The following KCNH7 variants were observed in gnomAD, a reference collection of about 807,000 sequenced individuals.
KCNH7 encodes potassium voltage-gated channel subfamily H member 7, also known as voltage-gated inwardly rectifying potassium channel KCNH7.
In KCNH7, 49 loss-of-function variants were observed where a neutral mutation model predicts 120.8. The ratio of observed to expected loss-of-function variants is 0.41; its 90% CI spans 0.32 to 0.51. The LOEUF (loss-of-function observed/expected upper bound fraction) is 0.51, where lower values mean the gene tolerates loss of function less well. KCNH7 is among the 20% of genes least tolerant of loss of function. The pLI, the probability that KCNH7 is intolerant of heterozygous loss-of-function variation, is 0.38. For synonymous variants in KCNH7, 547 were observed against 516.1 expected (o/e 1.06, Z -0.81); for missense variants, 1,097 against 1,446.6 (o/e 0.76, Z 3.92).
intron 2 of KCNH7, among the ~76,000 whole-genome samples, chr2:162,818,070 A>G (rs1684978160): frequency 6.6e-6 from 1 of 151,562 alleles, no homozygotes; most frequent in South Asian, 2.1e-4. Flanking sequence ...TACAGTTTTT[A>G]TTTTCTTAAT....
intron 2 of KCNH7, among the ~76,000 whole-genome samples, chr2:162,728,608 G>T (rs985473922): frequency 6.6e-6 from 1 of 152,058 alleles, no homozygotes; most frequent in African/African-American, 2.4e-5. Context: ...GAGAAACCCT[G>T]TCTCTACTAA....
At chr2:162,631,368 A>C (rs574873294) in intron 2 of KCNH7, among the ~76,000 whole-genome samples, 1 of 152,136 alleles carries the variant, frequency 6.6e-6, no homozygotes, top group South Asian at 2.1e-4. Flanking sequence ...ATTAGAGCAG[A>C]TCTCCCTGTG....
chr2:162,445,077 T>G (rs1192338193), intron 7 of KCNH7, among the ~76,000 whole-genome samples: 1 of 152,166 alleles, frequency 6.6e-6, no homozygotes, highest in Non-Finnish European at 1.5e-5. Context: ...CAGAGTTTAT[T>G]TCTAACAAAT....
chr2:162,578,421 G>C (rs1435179457), intron 2 of KCNH7, among the ~76,000 whole-genome samples: 1 of 151,932 alleles, frequency 6.6e-6, no homozygotes, highest in East Asian at 1.9e-4. Flanking sequence ...ACTCCATAGA[G>C]AGAAACCGGT....
chr2:162,634,018 T>G (rs1184157675), intron 2 of KCNH7, among the ~76,000 whole-genome samples: 5 of 152,014 alleles, frequency 3.3e-5, no homozygotes, highest in Non-Finnish European at 7.4e-5. Flanking sequence ...AACATTTTCC[T>G]AGAATATGTA....
At chr2:162,647,598 G>T (rs1418197454) in intron 2 of KCNH7, among the ~76,000 whole-genome samples, 4 of 152,118 alleles carry the variant, frequency 2.6e-5, no homozygotes, top group African/African-American at 9.7e-5. Context: ...TAGTAAATAA[G>T]TCTCATGAGA....
At chr2:162,699,788 T>C (rs1022325023) in intron 2 of KCNH7, among the ~76,000 whole-genome samples, 1 of 152,080 alleles carries the variant, frequency 6.6e-6, no homozygotes, top group Non-Finnish European at 1.5e-5. Flanking sequence ...CATAATGTTC[T>C]AAAGAAAATG....
rs60201823 is a variant in KCNH7, at chr2:162,601,399, C to CTTTTTTTTTTTTTTTTTTTTT, written c.308-64340_308-64320dup. 1.1e-3 allele frequency among the ~76,000 whole-genome samples: 11 copies of CTTTTTTTTTTTTTTTTTTTTT among 9,602 alleles called. 3 individuals carry two copies. Among genetic ancestry groups the CTTTTTTTTTTTTTTTTTTTTT allele is most frequent in the Non-Finnish European group, 1.5e-3 (9 of 6,046 alleles). 6.3% of individuals were successfully genotyped at this position (9,602 alleles called of 152,430 possible). A position where few individuals can be genotyped will look rare whatever the true frequency, so the allele number is the denominator to read the frequency against. On this transcript the variant is annotated intron_variant, in intron 2 of 15. Coordinates refer to ENST00000332142, the MANE Select transcript of KCNH7 (RefSeq NM_033272.4). ...AAATTTTAAAAAAGTACTTCTTGTG[C>CTTTTTTTTTTTTTTTTTTTTT]TTTTTTTTTTTTTTTTTTTTTTTTT...
intron 2 of KCNH7, among the ~76,000 whole-genome samples, chr2:162,779,913 C>T (rs1357040128): frequency 1.3e-5 from 2 of 152,172 alleles, no homozygotes; most frequent in African/African-American, 2.4e-5. Flanking sequence ...CAATTGCCTC[C>T]ACTTCCTCAA....
Position 162,400,254 on chromosome 2 carries a change from G to T in KCNH7, c.2342C>A (p.Ala781Glu). ...TLVHCGDVLT[A>E]LYFLSRGSIE... ...GGAGCCTCTGGATAAGAAATAAAGT[G>T]CAGTGAGGACATCCCCACAGTGAAC... The change falls in exon 10 of 16, where the codon GCA becomes GAA. Residue 781 changes from alanine to glutamate, a missense_variant. Transcript: ENST00000332142. The T allele has an allele frequency of 6.2e-7, 1 of 1,612,240 alleles. No individual in the cohort carries two copies. The highest frequency in any genetic ancestry group is 8.5e-7 in the Non-Finnish European group (1 of 1,178,854).
chr2:162,476,310 T>C (rs566491375), intron 6 of KCNH7, among the ~76,000 whole-genome samples: 117 of 152,330 alleles, frequency 7.7e-4, no homozygotes, highest in African/African-American at 2.7e-3. Context: ...ATATTCATTA[T>C]ACCAGAGGCT....
intron 2 of KCNH7, among the ~76,000 whole-genome samples, chr2:162,821,507 A>G (rs939853601): frequency 1.3e-5 from 2 of 152,346 alleles, no homozygotes; most frequent in Middle Eastern, 6.8e-3. Context: ...ACTGGTTTGG[A>G]AAGCCTAAAA....
intron 3 of KCNH7, chr2:162,528,287 C>T (rs989369465): frequency 4.6e-5 from 7 of 152,038 alleles, no homozygotes; most frequent in Non-Finnish European, 1.0e-4. Flanking sequence ...AGATGTTCTC[C>T]AGTTTTCCAG....
intron 2 of KCNH7, among the ~76,000 whole-genome samples, chr2:162,743,242 C>T (rs543633314): frequency 1.3e-5 from 2 of 152,090 alleles, no homozygotes; most frequent in East Asian, 1.9e-4. Context: ...TTTTGCATAC[C>T]GTTTTTAGCA....
At chr2:162,376,844 T>C (rs886233002) in intron 14 of KCNH7, among the ~76,000 whole-genome samples, 3 of 152,156 alleles carry the variant, frequency 2.0e-5, no homozygotes, top group African/African-American at 7.2e-5. Context: ...TTTACCTAAA[T>C]AGATGTATCT....
intron 3 of KCNH7, among the ~76,000 whole-genome samples, chr2:162,525,363 G>A (rs931547951): frequency 6.6e-6 from 1 of 151,882 alleles, no homozygotes; most frequent in Admixed American, 6.6e-5. Context: ...GACAATATCT[G>A]AGGGACACTG....
intron 2 of KCNH7, among the ~76,000 whole-genome samples, chr2:162,799,012 A>T (rs1401874688): frequency 6.6e-6 from 1 of 152,062 alleles, no homozygotes. Context: ...CAAACTCTAA[A>T]TGGCCATTTA....
intron 2 of KCNH7, among the ~76,000 whole-genome samples, chr2:162,546,603 T>G (rs1574086537): frequency 6.6e-6 from 1 of 152,266 alleles, no homozygotes; most frequent in East Asian, 1.9e-4. Flanking sequence ...AGGCTGTGAA[T>G]GGTGACATGC....
intron 2 of KCNH7, among the ~76,000 whole-genome samples, chr2:162,626,532 T>C (rs1683566336): frequency 6.6e-6 from 1 of 152,172 alleles, no homozygotes; most frequent in Admixed American, 6.5e-5. Flanking sequence ...CAAAAATAAA[T>C]GACTGCCATG....
Sources: allele counts gnomAD v4.1 joint callset (sites outside exome capture counted in the v4.1 genomes callset), GRCh38; gene constraint gnomAD v4.1.1; transcripts MANE v1.5; gene names NCBI Gene and HGNC (gene_info 2026-07-23, HGNC 2026-07-21).